CAMKMT: variants seen among roughly 807,000 people sequenced by gnomAD.
The protein encoded by CAMKMT is calmodulin-lysine N-methyltransferase.
A neutral mutation model predicts 48.0 loss-of-function variants in CAMKMT; 53 were observed. The observed-to-expected ratio is 1.10, with a 90% CI of 0.89 to 1.39. CAMKMT has a LOEUF of 1.39. CAMKMT is among the 40% of genes most tolerant of loss of function. CAMKMT has a pLI of 0.00. For missense variants in CAMKMT, 428 were observed against 402.7 expected (o/e 1.06, Z -0.54); for synonymous variants, 165 against 152.3 (o/e 1.08, Z -0.61).
At chr2:44,704,836 G>C (rs1280167612) in intron 4 of CAMKMT, among the ~76,000 whole-genome samples, 1 of 151,632 alleles carries the variant, frequency 6.6e-6, no homozygotes, top group Non-Finnish European at 1.5e-5. Flanking sequence ...CTAACAATAT[G>C]TATTTGTGAA....
intron 3 of CAMKMT, among the ~76,000 whole-genome samples, chr2:44,454,814 A>G (rs1301109989): frequency 1.3e-5 from 2 of 152,146 alleles, no homozygotes; most frequent in African/African-American, 4.8e-5. Context: ...GAATCAAAAG[A>G]ATTTCTTGAC....
At chr2:44,556,030 A>G (rs1159684241) in intron 3 of CAMKMT, among the ~76,000 whole-genome samples, 2 of 152,204 alleles carry the variant, frequency 1.3e-5, no homozygotes, top group African/African-American at 4.8e-5. Context: ...GACATGGGGC[A>G]GCAGAAAGGG....
At chr2:44,560,567 C>G (rs1338689987) in intron 3 of CAMKMT, among the ~76,000 whole-genome samples, 1 of 152,198 alleles carries the variant, frequency 6.6e-6, no homozygotes, top group African/African-American at 2.4e-5. Flanking sequence ...CCACGGTGCC[C>G]AGCAGGTGGC....
chr2:44,748,454 G>A (rs572408834), intron 8 of CAMKMT, among the ~76,000 whole-genome samples: 2 of 152,026 alleles, frequency 1.3e-5, no homozygotes, highest in Non-Finnish European at 2.9e-5. Context: ...AACCGAGTGT[G>A]GTCCTTTGCT....
intron 3 of CAMKMT, among the ~76,000 whole-genome samples, chr2:44,680,687 C>A (rs573267772): frequency 6.6e-6 from 1 of 152,200 alleles, no homozygotes; most frequent in Admixed American, 6.5e-5. Context: ...GGTGGCTGGC[C>A]AGCAAAGGTG....
intron 6 of CAMKMT, among the ~76,000 whole-genome samples, chr2:44,713,761 CTTA>C (rs1434359500): frequency 3.3e-5 from 5 of 152,156 alleles, no homozygotes; most frequent in Non-Finnish European, 5.9e-5. Context: ...ACAGTACCTG[CTTA>C]TTCACTCAGA....
chr2:44,472,245 G>A (rs141312574), intron 3 of CAMKMT, among the ~76,000 whole-genome samples: 2,682 of 151,964 alleles, frequency 0.018, 83 homozygotes, highest in African/African-American at 0.062. Flanking sequence ...TAATTTTTTT[G>A]TGTGTTTTTA....
intron 3 of CAMKMT, among the ~76,000 whole-genome samples, chr2:44,700,783 C>T (rs1414503130): frequency 6.6e-6 from 1 of 152,116 alleles, no homozygotes; most frequent in East Asian, 1.9e-4. Flanking sequence ...GTCACAGAGA[C>T]ACTAGTTGAG....
At chr2:44,444,864 G>A (rs1211115024) in intron 3 of CAMKMT, among the ~76,000 whole-genome samples, 5 of 152,256 alleles carry the variant, frequency 3.3e-5, no homozygotes, top group African/African-American at 9.6e-5. Context: ...GACATCCAAG[G>A]AGGACTCAAT....
chr2:44,603,891 T>C (rs984481560), intron 3 of CAMKMT, among the ~76,000 whole-genome samples: 3 of 152,182 alleles, frequency 2.0e-5, no homozygotes, highest in African/African-American at 4.8e-5. Flanking sequence ...ATACAAGATA[T>C]TGACTGTTCT....
intron 3 of CAMKMT, among the ~76,000 whole-genome samples, chr2:44,545,444 ATACATGTAC>A (rs1667341918): frequency 6.6e-6 from 1 of 152,216 alleles, no homozygotes; most frequent in Non-Finnish European, 1.5e-5. Context: ...ATGAGTCATA[ATACATGTAC>A]CCTGCTCTTC....
At chr2:44,687,257 A>G (rs1190413632) in intron 3 of CAMKMT, among the ~76,000 whole-genome samples, 1 of 152,196 alleles carries the variant, frequency 6.6e-6, no homozygotes, top group Non-Finnish European at 1.5e-5. Context: ...AGTTTTTACA[A>G]TAAAAGACAA....
At chr2:44,705,837 G>A (rs187540415) in intron 4 of CAMKMT, among the ~76,000 whole-genome samples, 1 of 151,088 alleles carries the variant, frequency 6.6e-6, no homozygotes, top group East Asian at 1.9e-4. Context: ...TGTGTGTGTT[G>A]TTTGTATGTA....
intron 7 of CAMKMT, among the ~76,000 whole-genome samples, chr2:44,738,753 AG>A (rs774997604): frequency 2.0e-5 from 3 of 152,366 alleles, no homozygotes; most frequent in East Asian, 3.9e-4. Context: ...TAGCTGCTAC[AG>A]AAAAATAAAG....
chr2:44,466,426 C>T (rs1271921906), intron 3 of CAMKMT, among the ~76,000 whole-genome samples: 1 of 152,076 alleles, frequency 6.6e-6, no homozygotes, highest in Non-Finnish European at 1.5e-5. Context: ...TCTTGAACAA[C>T]CACTGTGTCA....
At chr2:44,393,740 G>C (rs545130104) in intron 3 of CAMKMT, among the ~76,000 whole-genome samples, 1 of 152,140 alleles carries the variant, frequency 6.6e-6, no homozygotes, top group Admixed American at 6.5e-5. Context: ...ATGTCGCTCA[G>C]ATACCTTGGG....
rs985275453 is a variant in CAMKMT, at chr2:44,521,458, T to G, written c.376+131153T>G. On this transcript the variant is annotated intron_variant, in intron 3 of 10. Transcript: ENST00000378494. ...CACACCTGGCCAATGTTTTGTATTT[T>G]TTAGTAGAGATGGGGTTTCACCATG... Among the ~76,000 whole-genome samples, 15 of 152,284 alleles carry G rather than the reference T, an allele frequency of 9.9e-5. No individual in the cohort carries two copies. In the East Asian group the frequency reaches 2.5e-3, roughly 25 times the overall value.
intron 3 of CAMKMT, among the ~76,000 whole-genome samples, chr2:44,584,336 G>C (rs938648884): frequency 1.3e-5 from 2 of 152,130 alleles, no homozygotes; most frequent in Non-Finnish European, 2.9e-5. Flanking sequence ...TTTTATTTAT[G>C]AGCTGTGAAA....
At chr2:44,614,567 T>C (rs1671768960) in intron 3 of CAMKMT, among the ~76,000 whole-genome samples, 1 of 151,928 alleles carries the variant, frequency 6.6e-6, no homozygotes, top group Admixed American at 6.6e-5. Context: ...ATAAATAAAA[T>C]ATAGAGTATA....
Sources: gnomAD v4.1 joint callset for allele counts (sites outside exome capture counted in the v4.1 genomes callset) on GRCh38, gnomAD v4.1.1 for gene constraint, MANE v1.5 for transcripts, NCBI Gene and HGNC (gene_info 2026-07-23, HGNC 2026-07-21) for gene names.